CD109: variants seen among roughly 807,000 people sequenced by gnomAD.
The protein encoded by CD109 is CD109 molecule.
A neutral mutation model predicts 165.8 loss-of-function variants in CD109; 149 were observed. That is an observed-to-expected ratio of 0.90 (90% CI 0.79 to 1.03). CD109 has a LOEUF of 1.03. Ranked by LOEUF, CD109 falls within the 50% of genes least tolerant of loss-of-function variation. The pLI, the probability that CD109 is intolerant of heterozygous loss-of-function variation, is 0.00. For missense variants in CD109, 1,712 were observed against 1,677.8 expected, an observed-to-expected ratio of 1.02 and a Z score of -0.36; for synonymous variants, 585 against 592.1, an observed-to-expected ratio of 0.99 and a Z score of 0.18.
At chr6:73,719,784 A>C (rs974897591) in intron 2 of CD109, among the ~76,000 whole-genome samples, 32 of 152,186 alleles carry the variant, frequency 2.1e-4, no homozygotes, top group African/African-American at 7.2e-4. Flanking sequence ...CTCTTCAACA[A>C]ATGTTTTTAC....
chr6:73,719,110 A>T (rs905555948), intron 2 of CD109, among the ~76,000 whole-genome samples: 3 of 152,138 alleles, frequency 2.0e-5, no homozygotes, highest in Non-Finnish European at 4.4e-5. Context: ...GACATTTTAC[A>T]TTTTTTTGGT....
At chr6:73,792,540 T>G in intron 22 of CD109, 86 bp from the exon 23 acceptor site, 2 of 1,145,386 alleles carry the variant, frequency 1.7e-6, no homozygotes, top group Non-Finnish European at 2.6e-6. Context: ...ACAGAGGTCT[T>G]CTGTACTCAG....
At chr6:73,742,938 G>A (rs954392364) in intron 5 of CD109, among the ~76,000 whole-genome samples, 1 of 152,200 alleles carries the variant, frequency 6.6e-6, no homozygotes, top group Non-Finnish European at 1.5e-5. Flanking sequence ...ATTTTGAGAA[G>A]TGCTCATAAA....
upstream of CD109, chr6:73,695,144 A>G (rs967212460): frequency 6.6e-6 from 1 of 152,248 alleles, no homozygotes; most frequent in Non-Finnish European, 1.5e-5. Flanking sequence ...TTAGAATGCT[A>G]CCATCTAAAA....
Position 73,730,558 on chromosome 6 carries a change from T to C in CD109, c.491T>C (p.Leu164Ser). 6.2e-7 allele frequency: 1 copy of C among 1,609,380 alleles called. No individual in the cohort carries two copies. The highest frequency in any genetic ancestry group is 1.1e-5 in the South Asian group (1 of 90,972). Residue 164 changes from leucine (L) to serine (S), a missense_variant, in exon 4 of 33, where the codon TTA becomes TCA. Transcript: ENST00000287097. ...FSDFKPYKTS[L>S]NILIKDPKSN... ...GATTTTAAGCCTTACAAAACCTCTTTAAACATTCTCATTAAGGTAAGTGCC... is the reference window on the plus strand; with the variant it reads ...GATTTTAAGCCTTACAAAACCTCTTCAAACATTCTCATTAAGGTAAGTGCC...
intron 2 of CD109, among the ~76,000 whole-genome samples, chr6:73,698,510 G>C (rs992497491): frequency 3.3e-5 from 5 of 151,626 alleles, no homozygotes; most frequent in African/African-American, 4.8e-5. Flanking sequence ...ATAATGTTAA[G>C]AGTTATTTAA....
intron 2 of CD109, among the ~76,000 whole-genome samples, chr6:73,706,710 G>A (rs1771279439): frequency 6.6e-6 from 1 of 152,128 alleles, no homozygotes. Context: ...CAGGTCTATA[G>A]GTTGTTAGTT....
In CD109 at chr6:73,762,445, T is replaced by C; in HGVS notation, c.820T>C (p.Trp274Arg). 6.2e-7 allele frequency: 1 copy of C among 1,612,022 alleles called. No homozygotes were observed. Among genetic ancestry groups the C allele is most frequent in the African/African-American group, 1.3e-5 (1 of 75,012 alleles). ...GCTTACATTTTTACCTTTATCCTTT[T>C]GGGGAAAGAAGAAAAATATTACAAA... ...VTLTFLPLSF[W>R]GKKKNITKTF... is the part of the protein sequence containing the mutation. Residue 274 changes from tryptophan (W) to arginine (R), a missense_variant, in exon 8 of 33, where the codon TGG (tryptophan) becomes CGG (arginine). By Grantham distance (101) the Trp-to-Arg change is moderately radical. Transcript: ENST00000287097.
At chr6:73,686,754 C>T in the CD109 span, among the ~76,000 whole-genome samples, 1 of 152,152 alleles carries the variant, frequency 6.6e-6, no homozygotes, top group Non-Finnish European at 1.5e-5. Context: ...TGTAGTGGCA[C>T]AATCTCAGCT....
chr6:73,793,086 T>C (rs1239790456), intron 23 of CD109, among the ~76,000 whole-genome samples: 1 of 152,208 alleles, frequency 6.6e-6, no homozygotes, highest in Non-Finnish European at 1.5e-5. Context: ...AATTTAAAAC[T>C]CTTTAAAAAT....
In CD109 at chr6:73,766,784, G is replaced by A. The variant is rs769544917; in HGVS notation, c.1358G>A (p.Ser453Asn). 9 of 1,612,440 alleles carry A rather than the reference G, an allele frequency of 5.6e-6. No homozygotes were observed. Among genetic ancestry groups the A allele is most frequent in the South Asian group, 1.1e-5 (1 of 90,964 alleles). Residue 453 changes from serine (S) to asparagine (N), a missense_variant, in exon 12 of 33, where the codon AGC (serine) becomes AAC (asparagine). By Grantham distance (46) the Ser-to-Asn change is conservative (BLOSUM62 1). Coordinates refer to ENST00000287097, the MANE Select transcript of CD109 (RefSeq NM_133493.5). ...GCCTATTTCCTTGGTAGTAAAAGTA[G>A]CATGGCAGTTCATAGTCTGTTTAAG... ...LKAYFLGSKS[S>N]MAVHSLFKSP...
chr6:73,741,506 T>C (rs10498894), intron 5 of CD109, among the ~76,000 whole-genome samples: 5,882 of 152,314 alleles, frequency 0.039, 452 homozygotes, highest in East Asian at 0.3. Flanking sequence ...GATTTAATAA[T>C]TGACTTGAAA....
At chr6:73,727,896 G>A (rs763596387) in intron 3 of CD109, among the ~76,000 whole-genome samples, 39 of 152,306 alleles carry the variant, frequency 2.6e-4, no homozygotes, top group Non-Finnish European at 4.4e-4. Flanking sequence ...GAGGACTGAA[G>A]TATCACTTGA....
intron 28 of CD109, 66 bp downstream of exon 28, chr6:73,811,213 A>G (rs771929718): frequency 3.5e-5 from 52 of 1,500,072 alleles, no homozygotes; most frequent in Non-Finnish European, 4.6e-5. Flanking sequence ...ATACTGCTTT[A>G]TTTGTAATCT....
the CD109 span, among the ~76,000 whole-genome samples, chr6:73,690,757 A>G: frequency 1.3e-5 from 2 of 152,220 alleles, no homozygotes; most frequent in Non-Finnish European, 2.9e-5. Flanking sequence ...AATGCTTATG[A>G]TGGAATAATT....
At position 73,730,464 on chromosome 6, in the gene CD109, A is replaced by G. The variant is rs1364439896; in HGVS notation, c.397A>G (p.Ile133Val). ...TGAGACCAAGAGAATATCTGTCTTCATTCAAACAGACAAGGCCTTATACAA... is the reference window on the plus strand; with the variant it reads ...TGAGACCAAGAGAATATCTGTCTTCGTTCAAACAGACAAGGCCTTATACAA... Reference protein sequence around the residue: ...SFETKRISVFIQTDKALYKPK... With the variant: ...SFETKRISVFVQTDKALYKPK... Residue 133 changes from isoleucine (I) to valine (V), a missense_variant, in exon 4 of 33, where the codon ATT (isoleucine) becomes GTT (valine). Transcript: ENST00000287097. The G allele has an allele frequency of 8.1e-6, 13 of 1,613,634 alleles. No homozygotes were observed. The highest frequency in any genetic ancestry group is 5.0e-5 in the Admixed American group (3 of 60,014).
At chr6:73,743,644 G>A (rs1476434809) in intron 5 of CD109, among the ~76,000 whole-genome samples, 2 of 152,038 alleles carry the variant, frequency 1.3e-5, no homozygotes, top group Non-Finnish European at 1.5e-5. Flanking sequence ...TTGCAAAAGA[G>A]CACATCTTTG....
chr6:73,763,071 A>G (rs146832184), intron 9 of CD109, among the ~76,000 whole-genome samples, 189 bp downstream of exon 9: 1 of 152,284 alleles, frequency 6.6e-6, no homozygotes, highest in African/African-American at 2.4e-5. Flanking sequence ...TTTTCTATGA[A>G]AGTCACTACT....
At chr6:73,775,728 G>A (rs1774222529) in intron 15 of CD109, among the ~76,000 whole-genome samples, 1 of 152,098 alleles carries the variant, frequency 6.6e-6, no homozygotes, top group South Asian at 2.1e-4. Flanking sequence ...GTGTCCATGT[G>A]TTCTCATCAT....
Sources: gnomAD v4.1 joint callset for allele counts (sites outside exome capture counted in the v4.1 genomes callset) on GRCh38, gnomAD v4.1.1 for gene constraint, MANE v1.5 for transcripts, NCBI Gene and HGNC (gene_info 2026-07-23, HGNC 2026-07-21) for gene names.